EHBP1: variants seen among roughly 807,000 people sequenced by gnomAD.
The protein encoded by EHBP1 is EH domain-binding protein 1.
EHBP1 carries 55 observed loss-of-function variants against 144.0 expected under a neutral mutation model. The ratio of observed to expected loss-of-function variants is 0.38; its 90% CI spans 0.31 to 0.48. The LOEUF (loss-of-function observed/expected upper bound fraction) is 0.48. Among genes scored for constraint, EHBP1 ranks in the 20% least tolerant of loss-of-function variants. The pLI is 0.98. For synonymous variants in EHBP1, 469 were observed against 472.7 expected (o/e 0.99, Z 0.10); for missense variants, 1,200 against 1,364.2 (o/e 0.88, Z 1.90).
chr2:62,843,512 A>C (rs981741981), intron 7 of EHBP1, among the ~76,000 whole-genome samples: 3 of 152,118 alleles, frequency 2.0e-5, no homozygotes, highest in Non-Finnish European at 4.4e-5. Flanking sequence ...TAAATTCACA[A>C]TCATTGTAGC....
intron 10 of EHBP1, among the ~76,000 whole-genome samples, chr2:62,915,274 A>C (rs1574036045): frequency 6.6e-6 from 1 of 152,234 alleles, no homozygotes; most frequent in East Asian, 1.9e-4. Context: ...GTTATATTTT[A>C]AATGTATACC....
intron 10 of EHBP1, among the ~76,000 whole-genome samples, chr2:62,902,864 A>G (rs1317895763): frequency 6.6e-6 from 1 of 152,214 alleles, no homozygotes; most frequent in Non-Finnish European, 1.5e-5. Context: ...GTTTATTTTA[A>G]AAGATATTAG....
In EHBP1 at chr2:63,026,858, A is replaced by G. The variant is rs202191717; in HGVS notation, c.3104-10677A>G. On this transcript the variant is annotated intron_variant, in intron 19 of 22. Transcript: ENST00000431489. ...GCTCTGACATCATTGCTAAGTCCCAATGGCATACACATGGGAAGACTAAAT... is the reference window on the plus strand; with the variant it reads ...GCTCTGACATCATTGCTAAGTCCCAGTGGCATACACATGGGAAGACTAAAT... Among the ~76,000 whole-genome samples, 5 of 152,346 alleles carry G rather than the reference A, an allele frequency of 3.3e-5. No individual in the cohort carries two copies. In the East Asian group the frequency reaches 7.7e-4, roughly 23 times the overall value.
At chr2:62,773,182 A>G (rs996577280) in intron 5 of EHBP1, among the ~76,000 whole-genome samples, 3 of 152,216 alleles carry the variant, frequency 2.0e-5, no homozygotes, top group African/African-American at 7.2e-5. Flanking sequence ...AGGAAGTGCT[A>G]TATTCTCACC....
At chr2:62,909,204 GGTCTCACGCT>G (rs2054016344) in intron 10 of EHBP1, among the ~76,000 whole-genome samples, 1 of 152,034 alleles carries the variant, frequency 6.6e-6, no homozygotes, top group South Asian at 2.1e-4. Context: ...CCCGAGACAA[GGTCTCACGCT>G]GTCACCTAGG....
chr2:62,808,364 G>T lies in EHBP1; in HGVS notation c.313-17723G>T, dbSNP rs534544578. ...CATCTTTGAAGGTTTCTATTGTGCT[G>T]TTCTTGAGATCAGAGACTCTTTGCC... is the stretch of plus-strand genomic sequence containing the variant. On this transcript the variant is annotated intron_variant, in intron 5 of 22. Coordinates refer to ENST00000431489, the MANE Select transcript of EHBP1 (RefSeq NM_001142616.3). Among the ~76,000 whole-genome samples, 14 of 150,788 alleles carry T rather than the reference G, an allele frequency of 9.3e-5. No homozygotes were observed. In the South Asian group the frequency reaches 2.7e-3, roughly 29 times the overall value.
chr2:62,681,984 T>C (rs948264046), intron 1 of EHBP1, among the ~76,000 whole-genome samples: 4 of 152,218 alleles, frequency 2.6e-5, no homozygotes, highest in African/African-American at 7.2e-5. Context: ...ATCTCTAAGT[T>C]CCCCTAAGTA....
intron 11 of EHBP1, among the ~76,000 whole-genome samples, chr2:62,943,402 G>C (rs2056887102): frequency 7.5e-6 from 1 of 133,368 alleles, no homozygotes. Context: ...AAAAAAAAAT[G>C]GTTTTTCTCC....
At chr2:63,035,885 C>G (rs900101219) in intron 19 of EHBP1, among the ~76,000 whole-genome samples, 3 of 151,986 alleles carry the variant, frequency 2.0e-5, no homozygotes, top group African/African-American at 7.2e-5. Flanking sequence ...GTCAAGACAT[C>G]ACATGGTCCA....
chr2:62,946,997 A>G (rs1167549386), intron 12 of EHBP1, among the ~76,000 whole-genome samples: 2 of 152,172 alleles, frequency 1.3e-5, no homozygotes, highest in African/African-American at 2.4e-5. Context: ...TAATTTGGGA[A>G]TGTTTAGAAT....
intron 7 of EHBP1, among the ~76,000 whole-genome samples, chr2:62,848,430 A>T (rs1387117346): frequency 1.3e-5 from 2 of 152,086 alleles, no homozygotes; most frequent in Non-Finnish European, 2.9e-5. Flanking sequence ...CCTCTGACCC[A>T]TTTATTTACC....
chr2:62,981,597 A>G (rs1353390421), intron 15 of EHBP1, among the ~76,000 whole-genome samples: 1 of 152,172 alleles, frequency 6.6e-6, no homozygotes, highest in Non-Finnish European at 1.5e-5. Flanking sequence ...TTTATAATCC[A>G]ACTACACTTG....
chr2:63,029,317 C>T (rs1006403385), intron 19 of EHBP1, among the ~76,000 whole-genome samples: 2 of 151,894 alleles, frequency 1.3e-5, no homozygotes, highest in Admixed American at 1.3e-4. Flanking sequence ...CTGCATATGA[C>T]TAATGGAACA....
intron 3 of EHBP1, among the ~76,000 whole-genome samples, chr2:62,763,132 T>C (rs2040891605): frequency 6.6e-6 from 1 of 152,110 alleles, no homozygotes; most frequent in Admixed American, 6.6e-5. Context: ...GTTTTTGGCC[T>C]TCTCTCAAGT....
intron 14 of EHBP1, among the ~76,000 whole-genome samples, chr2:62,970,929 G>C (rs2058469980): frequency 6.6e-6 from 1 of 152,176 alleles, no homozygotes; most frequent in Admixed American, 6.5e-5. Context: ...CATTGAAGCA[G>C]TGGAAGAAAG....
At chr2:62,793,817 C>T (rs771985208) in intron 5 of EHBP1, among the ~76,000 whole-genome samples, 20 of 151,982 alleles carry the variant, frequency 1.3e-4, no homozygotes, top group South Asian at 2.1e-4. Flanking sequence ...TATAATTTAA[C>T]TCCAATAGAA....
intron 1 of EHBP1, among the ~76,000 whole-genome samples, chr2:62,685,326 GA>G (rs201534772): frequency 0.021 from 3,218 of 152,078 alleles, 52 homozygotes; most frequent in Non-Finnish European, 0.033. Flanking sequence ...AATAAAAATA[GA>G]AAAAAAGAAG....
At chr2:62,838,048 C>T (rs1402137127) in intron 7 of EHBP1, among the ~76,000 whole-genome samples, 1 of 150,198 alleles carries the variant, frequency 6.7e-6, no homozygotes, top group Non-Finnish European at 1.5e-5. Flanking sequence ...TTTTTTTCAG[C>T]ACCACACCAC....
intron 5 of EHBP1, among the ~76,000 whole-genome samples, chr2:62,775,587 A>G (rs1050505167): frequency 1.3e-5 from 2 of 152,226 alleles, no homozygotes; most frequent in African/African-American, 4.8e-5. Context: ...CATTAGTAAC[A>G]AAGAGTGAAG....
Sources: gnomAD v4.1 joint callset for allele counts (sites outside exome capture counted in the v4.1 genomes callset) on GRCh38, gnomAD v4.1.1 for gene constraint, MANE v1.5 for transcripts, NCBI Gene and HGNC (gene_info 2026-07-23, HGNC 2026-07-21) for gene names.